Variants in NXPE2 observed in about 807,000 individuals in gnomAD.
The protein encoded by NXPE2 is neurexophilin and PC-esterase domain family member 2, also known as NXPE family member 2.
In NXPE2, 34 loss-of-function variants were observed where a neutral mutation model predicts 34.4. That is an observed-to-expected ratio of 0.99 (90% CI 0.75 to 1.31). The LOEUF (loss-of-function observed/expected upper bound fraction) is 1.31, where lower values mean the gene tolerates loss of function less well. Ranked by LOEUF, NXPE2 falls within the 40% of genes most tolerant of loss-of-function variation. NXPE2 has a pLI of 0.00. For missense variants in NXPE2, 649 were observed against 672.5 expected, an observed-to-expected ratio of 0.97 and a Z score of 0.39; for synonymous variants, 235 against 231.3, an observed-to-expected ratio of 1.02 and a Z score of -0.15.
the NXPE2 span, among the ~76,000 whole-genome samples, chr11:114,645,006 TAA>T: frequency 6.9e-6 from 1 of 145,076 alleles, no homozygotes. Flanking sequence ...TTCACACTAT[TAA>T]AAAAAAAAAC....
the NXPE2 span, among the ~76,000 whole-genome samples, chr11:114,774,165 A>G: frequency 6.6e-6 from 1 of 152,206 alleles, no homozygotes; most frequent in Non-Finnish European, 1.5e-5. Context: ...AGCATGTTCC[A>G]TGTTTCTGAG....
the NXPE2 span, chr11:114,594,814 A>C: frequency 3.1e-6 from 3 of 970,002 alleles, no homozygotes; most frequent in Non-Finnish European, 4.7e-6. Context: ...ATACAACAAA[A>C]CAGAAAAGCA....
chr11:114,542,992 T>C, the NXPE2 span, among the ~76,000 whole-genome samples: 2 of 152,186 alleles, frequency 1.3e-5, no homozygotes, highest in Non-Finnish European at 2.9e-5. Flanking sequence ...AAGTGGCTTA[T>C]GCCTATAATC....
the NXPE2 span, chr11:114,521,972 C>A: frequency 6.0e-4 from 964 of 1,607,022 alleles, 5 homozygotes; most frequent in East Asian, 2.4e-3. Context: ...TATCCCTTAG[C>A]AAATGTAGTT....
At chr11:114,561,509 G>A in the NXPE2 span, among the ~76,000 whole-genome samples, 139 of 152,266 alleles carry the variant, frequency 9.1e-4, no homozygotes, top group Non-Finnish European at 1.2e-3. Flanking sequence ...ATCTTGTAAA[G>A]TCTTTGGTAG....
the NXPE2 span, among the ~76,000 whole-genome samples, chr11:114,555,348 T>C: frequency 1.4e-4 from 21 of 152,098 alleles, no homozygotes. Context: ...CTCAGCCTCC[T>C]GAGTAGCTGG....
At chr11:114,498,247 A>G in the NXPE2 span, among the ~76,000 whole-genome samples, 10 of 152,094 alleles carry the variant, frequency 6.6e-5, no homozygotes, top group Non-Finnish European at 1.5e-4. Flanking sequence ...AAATAGAGAC[A>G]CATTTATCCC....
chr11:114,667,815 C>G, the NXPE2 span, among the ~76,000 whole-genome samples: 1 of 152,162 alleles, frequency 6.6e-6, no homozygotes, highest in Admixed American at 6.6e-5. Context: ...AGCTGCCATA[C>G]TGACAGAGAC....
At chr11:114,754,875 G>A in the NXPE2 span, among the ~76,000 whole-genome samples, 1 of 152,206 alleles carries the variant, frequency 6.6e-6, no homozygotes, top group Non-Finnish European at 1.5e-5. Context: ...GTGGTTGGTG[G>A]AGGCACTTAG....
Position 114,706,799 on chromosome 11 carries a change from A to AT in NXPE2, c.1554dup (p.Val519CysfsTer4). On this transcript the variant is annotated frameshift_variant, in exon 6 of 6. Coordinates refer to ENST00000389586, the MANE Select transcript of NXPE2 (RefSeq NM_182495.6). LOFTEE classifies it low-confidence loss of function (END_TRUNC). ...TATTCAGAATCTTATCATAAGAGAT[A>AT]TTTTTGTGGATCTTAATGTGGGTAT... 1 of 1,552,364 alleles carries AT rather than the reference A, an allele frequency of 6.4e-7. No homozygotes were observed. Among genetic ancestry groups the AT allele is most frequent in the Non-Finnish European group, 8.7e-7 (1 of 1,147,074 alleles).
At chr11:114,791,522 C>G in the NXPE2 span, among the ~76,000 whole-genome samples, 1 of 152,136 alleles carries the variant, frequency 6.6e-6, no homozygotes, top group African/African-American at 2.4e-5. Flanking sequence ...GCAGGTCATG[C>G]CCTTTCAAGA....
At chr11:114,700,593 C>T (rs1270028314) in intron 3 of NXPE2, among the ~76,000 whole-genome samples, 1 of 152,080 alleles carries the variant, frequency 6.6e-6, no homozygotes, top group Non-Finnish European at 1.5e-5. Flanking sequence ...GTCAGGAAGT[C>T]ATTCAGGGCC....
At chr11:114,480,566 T>G in the NXPE2 span, among the ~76,000 whole-genome samples, 1 of 152,184 alleles carries the variant, frequency 6.6e-6, no homozygotes, top group East Asian at 1.9e-4. Flanking sequence ...CTGATGACAC[T>G]GTGTGAGAGG....
At chr11:114,709,486 AAT>A (rs1859569668), downstream of NXPE2, among the ~76,000 whole-genome samples, 1 of 152,216 alleles carries the variant, frequency 6.6e-6, no homozygotes, top group Non-Finnish European at 1.5e-5. Flanking sequence ...TATTGCAGAT[AAT>A]GACTATATTG....
chr11:114,684,800 G>T (rs1038899178), intron 2 of NXPE2, among the ~76,000 whole-genome samples: 1 of 152,174 alleles, frequency 6.6e-6, no homozygotes, highest in Non-Finnish European at 1.5e-5. Context: ...AAATAGGAAA[G>T]AGAAGGTGTG....
Position 114,688,967 on chromosome 11 carries a change from T to G in NXPE2, c.133-9078T>G, listed in dbSNP as rs548497112. Among the ~76,000 whole-genome samples the G allele has an allele frequency of 3.3e-5, 5 of 152,166 alleles. No individual in the cohort carries two copies. The South Asian group carries it at 1.0e-3, about 31-fold the overall frequency. The stretch of plus-strand genomic sequence containing the variant: ...ACTTTGTAATTTCTGATTGTGCTTA[T>G]TTGGATATTATTTTCTCCTTTGTGA... On this transcript the variant is annotated intron_variant, in intron 2 of 5. Coordinates refer to ENST00000389586, the MANE Select transcript of NXPE2 (RefSeq NM_182495.6).
the NXPE2 span, among the ~76,000 whole-genome samples, chr11:114,754,742 C>T: frequency 6.6e-6 from 1 of 152,122 alleles, no homozygotes; most frequent in African/African-American, 2.4e-5. Flanking sequence ...ATGCTGTTGA[C>T]CAATGGGAAT....
chr11:114,485,365 C>T, the NXPE2 span, among the ~76,000 whole-genome samples: 13 of 148,094 alleles, frequency 8.8e-5, no homozygotes, highest in South Asian at 1.1e-3. Context: ...CCTACCATCA[C>T]GCCTGGCTAA....
At chr11:114,482,438 C>G in the NXPE2 span, among the ~76,000 whole-genome samples, 4 of 152,160 alleles carry the variant, frequency 2.6e-5, no homozygotes, top group African/African-American at 7.2e-5. Context: ...AGAAAAAATT[C>G]CTAGGCAATT....
Sources: allele counts gnomAD v4.1 joint callset (sites outside exome capture counted in the v4.1 genomes callset), GRCh38; gene constraint gnomAD v4.1.1; transcripts MANE v1.5; gene names NCBI Gene and HGNC (gene_info 2026-07-23, HGNC 2026-07-21).